Variants in PPAT observed in about 807,000 individuals in gnomAD.
PPAT encodes phosphoribosyl pyrophosphate amidotransferase.
PPAT carries 20 observed loss-of-function variants against 60.2 expected under a neutral mutation model. That is an observed-to-expected ratio of 0.33 (90% CI 0.23 to 0.48). The LOEUF (loss-of-function observed/expected upper bound fraction) is 0.48, where lower values mean the gene tolerates loss of function less well. Among genes scored for constraint, PPAT ranks in the 20% least tolerant of loss-of-function variants. The probability of loss-of-function intolerance (pLI) is 0.99; values close to 1 mark genes in which losing one functional copy is unlikely to be tolerated. For missense variants in PPAT, 349 were observed against 629.6 expected (o/e 0.55, Z 4.77); for synonymous variants, 194 against 215.1 (o/e 0.90, Z 0.86).
At chr4:56,400,706 A>C (rs1716088726) in intron 8 of PPAT, 78 bp downstream of exon 8, 2 of 1,378,884 alleles carry the variant, frequency 1.5e-6, no homozygotes, top group South Asian at 3.1e-5. Context: ...AATGTTGATG[A>C]GTTTCTCTTT....
At chr4:56,434,045 A>C (rs1388095825) in intron 1 of PPAT, among the ~76,000 whole-genome samples, 2 of 152,188 alleles carry the variant, frequency 1.3e-5, no homozygotes, top group African/African-American at 4.8e-5. Context: ...CATAATCAAG[A>C]GTTTACTTTC....
Position 56,400,804 on chromosome 4 carries a change from C to A in PPAT, c.994G>T (p.Ala332Ser), listed in dbSNP as rs1272211145. Residue 332 changes from alanine to serine, a missense_variant, in exon 8 of 11, where the codon GCT becomes TCT. Ala to Ser is a moderately conservative substitution (Grantham distance 99). Coordinates refer to ENST00000264220, the MANE Select transcript of PPAT (RefSeq NM_002703.5). ...STVPESATPA[A>S]LAYAGKCGLP... ...AATACCTTTCCTGCGTAAGCAAGAG[C>A]AGCAGGCGTAGCAGATTCTGGAACA... 3 of 1,613,376 alleles carry A rather than the reference C, an allele frequency of 1.9e-6. No individual in the cohort carries two copies. Among genetic ancestry groups the A allele is most frequent in the East Asian group, 4.5e-5 (2 of 44,856 alleles).
At chr4:56,418,507 T>C (rs12501334) in intron 1 of PPAT, among the ~76,000 whole-genome samples, 28,128 of 151,858 alleles carry the variant, frequency 0.19, 2,906 homozygotes, top group Admixed American at 0.32. Flanking sequence ...TTTTTGTAGA[T>C]ACAGGTTTTG....
rs1235572666 is a variant in PPAT at position 56,401,406 on chromosome 4, T to C, written c.810A>G (p.Ser270=). The part of the protein sequence containing the change: ...RHNVQTLDII[S]RSEGNPVAFC... ...AAGCCACTGGGTTTCCTTCAGACCT[T>C]GATATAATATCAAGAGTTTGGACAT... The change falls in exon 7 of 11, where the codon TCA becomes TCG. Residue 270 remains serine, a synonymous_variant. Coordinates refer to ENST00000264220, the MANE Select transcript of PPAT (RefSeq NM_002703.5). 1 of 1,607,864 alleles carries C rather than the reference T, an allele frequency of 6.2e-7. No homozygotes were observed. Among genetic ancestry groups the C allele is most frequent in the Non-Finnish European group, 8.5e-7 (1 of 1,175,814 alleles).
At chr4:56,435,312 G>C (rs776938734) in intron 1 of PPAT, 38 bp downstream of exon 1, 1 of 1,611,086 alleles carries the variant, frequency 6.2e-7, no homozygotes, top group Non-Finnish European at 8.5e-7. Context: ...CCGAGAGATG[G>C]AGACGCACGC....
At chr4:56,419,924 A>T (rs1716954073) in intron 1 of PPAT, 1 of 984,322 alleles carries the variant, frequency 1.0e-6, no homozygotes, top group African/African-American at 1.7e-5. Flanking sequence ...AGAGTATGAA[A>T]TTTTTTACTG....
At position 56,399,289 on chromosome 4, in the gene PPAT, A is replaced by G; in HGVS notation, c.1126T>C (p.Leu376=). ...CTTTTGCCTTTAAAGTTGTCTGACA[A>G]TACTCCAAATTTTTTTGCAACACCA... The part of the protein sequence containing the change: ...QLGVAKKFGV[L]SDNFKGKRIV... Residue 376 remains leucine, a synonymous_variant, in exon 9 of 11, where the codon TTG becomes CTG. Coordinates refer to ENST00000264220, the MANE Select transcript of PPAT (RefSeq NM_002703.5). The G allele has an allele frequency of 1.2e-6, 2 of 1,614,010 alleles. No homozygotes were observed. The highest frequency in any genetic ancestry group is 1.7e-4 in the Middle Eastern group (1 of 6,058).
At position 56,399,358 on chromosome 4, in the gene PPAT, C is replaced by A; in HGVS notation, c.1057G>T (p.Val353Leu). Residue 353 changes from valine (V) to leucine (L), a missense_variant, in exon 9 of 11, where the codon GTA (valine) becomes TTA (leucine). Coordinates refer to ENST00000264220, the MANE Select transcript of PPAT (RefSeq NM_002703.5). ...TTTGGCTGAATGAAGGTTCTCCCTA[C>A]ATACCGGTTTTTACACAGCACCTCC... The part of the protein sequence containing the change: ...YVEVLCKNRY[V>L]GRTFIQPNMR... The A allele has an allele frequency of 6.2e-7, 1 of 1,614,004 alleles. No homozygotes were observed. Among genetic ancestry groups the A allele is most frequent in the Non-Finnish European group, 8.5e-7 (1 of 1,179,934 alleles).
Position 56,395,613 on chromosome 4 carries a change from C to G in PPAT, c.1358-65G>C. ...CTTTAGAAAGGAAGAAACGCGTCAA[C>G]AGAGAATAGTTACAAACAGAATAAT... On this transcript the variant is annotated intron_variant, in intron 10 of 10. Transcript: ENST00000264220. 3 of 1,167,426 alleles carry G rather than the reference C, an allele frequency of 2.6e-6. No individual in the cohort carries two copies. In the South Asian group the frequency reaches 5.9e-5, roughly 23 times the overall value. 72.3% of individuals were successfully genotyped at this position (1,167,426 alleles called of 1,614,324 possible).
chr4:56,403,196 TTAAA>T lies in PPAT; in HGVS notation c.516-15_516-12del, dbSNP rs746582250. ...ATCAAGTTTTTAATCCTGGAATTAA[TTAAA>T]TAATTGAATGAATAACTTCAGTTAT... On this transcript the variant is annotated splice_polypyrimidine_tract_variant and intron_variant, in intron 4 of 10. Transcript: ENST00000264220. 4 of 1,582,514 alleles carry T rather than the reference TTAAA, an allele frequency of 2.5e-6. No homozygotes were observed. In the East Asian group the frequency reaches 6.7e-5, roughly 27 times the overall value.
intron 1 of PPAT, among the ~76,000 whole-genome samples, chr4:56,429,804 T>C (rs1343047536): frequency 6.6e-6 from 1 of 152,222 alleles, no homozygotes; most frequent in Non-Finnish European, 1.5e-5. Context: ...TCCGCCCCCA[T>C]AAACATTATC....
At position 56,401,439 on chromosome 4, in the gene PPAT, G is replaced by A. The variant is rs1176556903; in HGVS notation, c.777C>T (p.Ser259=). The A allele has an allele frequency of 1.9e-6, 3 of 1,604,674 alleles. No homozygotes were observed. Among genetic ancestry groups the A allele is most frequent in the Non-Finnish European group, 2.6e-6 (3 of 1,174,334 alleles). The change falls in exon 7 of 11, where the codon TCC becomes TCT. Residue 259 remains serine, a synonymous_variant. Coordinates refer to ENST00000264220, the MANE Select transcript of PPAT (RefSeq NM_002703.5). The part of the protein sequence containing the change: ...EVLPGEIVEI[S]RHNVQTLDII... ...TATCAAGAGTTTGGACATTGTGTCTGGATATTTCCACAATTTCTCCAGGCA... is the reference window on the plus strand; with the variant it reads ...TATCAAGAGTTTGGACATTGTGTCTAGATATTTCCACAATTTCTCCAGGCA...
chr4:56,428,362 A>G (rs555048037), intron 1 of PPAT, among the ~76,000 whole-genome samples: 1 of 152,346 alleles, frequency 6.6e-6, no homozygotes, highest in African/African-American at 2.4e-5. Flanking sequence ...TGATGAAAAA[A>G]TTAAGCGAAT....
intron 1 of PPAT, among the ~76,000 whole-genome samples, chr4:56,418,501 TG>T (rs1482215589): frequency 6.6e-6 from 1 of 151,966 alleles, no homozygotes; most frequent in Non-Finnish European, 1.5e-5. Context: ...TGCATTTTTT[TG>T]TAGATACAGG....
At chr4:56,401,305 G>A (rs1377260004) in intron 7 of PPAT, 25 bp downstream of exon 7, 2 of 1,540,442 alleles carry the variant, frequency 1.3e-6, no homozygotes, top group South Asian at 2.4e-5. Context: ...TTATATGAAT[G>A]TTCAAAGAAA....
intron 1 of PPAT, chr4:56,431,384 G>GC (rs1332334969): frequency 1.1e-6 from 1 of 944,834 alleles, no homozygotes. Flanking sequence ...TCTCACAAGT[G>GC]CCTTTCCAGT....
intron 7 of PPAT, among the ~76,000 whole-genome samples, 171 bp downstream of exon 7, chr4:56,401,159 A>G (rs766450684): frequency 8.5e-5 from 13 of 152,198 alleles, no homozygotes; most frequent in Admixed American, 4.6e-4. Flanking sequence ...CCAAGAGTCA[A>G]AAGGAAGTGA....
At chr4:56,420,931 T>C (rs1717005798) in intron 1 of PPAT, 1 of 151,658 alleles carries the variant, frequency 6.6e-6, no homozygotes, top group African/African-American at 2.4e-5. Context: ...TGTGGAAGCT[T>C]GAAGTAACCA....
At chr4:56,427,434 C>T (rs1261048616) in intron 1 of PPAT, among the ~76,000 whole-genome samples, 1 of 152,056 alleles carries the variant, frequency 6.6e-6, no homozygotes, top group African/African-American at 2.4e-5. Context: ...TGTTTTCCAC[C>T]ATGACTTCAC....
Sources: gnomAD v4.1 joint callset for allele counts (sites outside exome capture counted in the v4.1 genomes callset) on GRCh38, gnomAD v4.1.1 for gene constraint, MANE v1.5 for transcripts, NCBI Gene and HGNC (gene_info 2026-07-23, HGNC 2026-07-21) for gene names.